TDRD3: variants seen among roughly 807,000 people sequenced by gnomAD.
TDRD3 encodes the protein tudor domain-containing protein 3.
A neutral mutation model predicts 86.7 loss-of-function variants in TDRD3; 45 were observed. The observed-to-expected ratio is 0.52, with a 90% CI of 0.41 to 0.67. TDRD3 has a LOEUF of 0.67. TDRD3 is among the 30% of genes least tolerant of loss of function. The pLI, the probability that TDRD3 is intolerant of heterozygous loss-of-function variation, is 0.00. For missense variants in TDRD3, 814 were observed against 889.0 expected (o/e 0.92, Z 1.07); for synonymous variants, 298 against 301.7 (o/e 0.99, Z 0.13).
At chr13:60,519,797 G>A (rs918537228) in intron 10 of TDRD3, among the ~76,000 whole-genome samples, 3 of 152,098 alleles carry the variant, frequency 2.0e-5, no homozygotes, top group Non-Finnish European at 4.4e-5. Flanking sequence ...TGTTATAACT[G>A]TACTCTGAGG....
chr13:60,476,371 A>G (rs1320080474), intron 5 of TDRD3, among the ~76,000 whole-genome samples: 1 of 151,816 alleles, frequency 6.6e-6, no homozygotes, highest in East Asian at 1.9e-4. Context: ...CTTTATTTCT[A>G]GGTTCTTTAT....
chr13:60,567,776 T>C (rs768497413), intron 13 of TDRD3, 126 bp downstream of exon 13: 101 of 1,229,000 alleles, frequency 8.2e-5, no homozygotes, highest in Middle Eastern at 4.3e-4. Flanking sequence ...CAGGCTGGAG[T>C]GCAGTGGCGT....
intron 3 of TDRD3, among the ~76,000 whole-genome samples, chr13:60,456,069 CAAAAAAAAAAA>C (rs35117003): frequency 1.0e-5 from 1 of 95,568 alleles, no homozygotes; most frequent in African/African-American, 4.5e-5. Context: ...GACTATGTCT[CAAAAAAAAAAA>C]AAAAAAAAGA....
At chr13:60,449,603 A>G (rs188067976) in intron 3 of TDRD3, among the ~76,000 whole-genome samples, 1 of 152,124 alleles carries the variant, frequency 6.6e-6, no homozygotes, top group East Asian at 1.9e-4. Flanking sequence ...TATGTGCCCT[A>G]CTGTTATTTT....
chr13:60,425,591 A>G (rs887105302), intron 1 of TDRD3, among the ~76,000 whole-genome samples: 1 of 152,204 alleles, frequency 6.6e-6, no homozygotes, highest in African/African-American at 2.4e-5. Context: ...CACAGTAGCC[A>G]AGCTATGGAA....
intron 5 of TDRD3, among the ~76,000 whole-genome samples, chr13:60,467,891 C>G (rs886774072): frequency 3.7e-4 from 57 of 152,150 alleles, no homozygotes; most frequent in African/African-American, 1.3e-3. Flanking sequence ...AATTGTTCCT[C>G]TACTTTGCTT....
intron 5 of TDRD3, among the ~76,000 whole-genome samples, chr13:60,482,770 T>C (rs549233709): frequency 6.6e-6 from 1 of 152,186 alleles, no homozygotes; most frequent in African/African-American, 2.4e-5. Flanking sequence ...TAATTATCTT[T>C]ATAAAATATA....
At chr13:60,464,008 C>T (rs922590980) in intron 4 of TDRD3, among the ~76,000 whole-genome samples, 4 of 152,052 alleles carry the variant, frequency 2.6e-5, no homozygotes, top group Non-Finnish European at 4.4e-5. Context: ...TTCCTGTGGG[C>T]GCTGGTTGTT....
chr13:60,429,487 T>G (rs1396400156), intron 1 of TDRD3, among the ~76,000 whole-genome samples: 5 of 152,200 alleles, frequency 3.3e-5, no homozygotes. Context: ...TGTTTTAAAT[T>G]TTGACATAAA....
intron 3 of TDRD3, among the ~76,000 whole-genome samples, chr13:60,445,933 C>T (rs141225172): frequency 6.6e-6 from 1 of 152,198 alleles, no homozygotes; most frequent in East Asian, 1.9e-4. Flanking sequence ...TTGTCTGCTC[C>T]CTTCACTCTT....
At chr13:60,474,082 C>A (rs1043332675) in intron 5 of TDRD3, among the ~76,000 whole-genome samples, 1 of 152,152 alleles carries the variant, frequency 6.6e-6, no homozygotes, top group Non-Finnish European at 1.5e-5. Context: ...TCATGTTCCA[C>A]CCTGTACACC....
At chr13:60,533,972 C>T (rs1309707104) in intron 11 of TDRD3, among the ~76,000 whole-genome samples, 1 of 152,176 alleles carries the variant, frequency 6.6e-6, no homozygotes, top group Non-Finnish European at 1.5e-5. Flanking sequence ...AAGATTACTG[C>T]AATCAGATGA....
In TDRD3 at chr13:60,523,404, C is replaced by T. The variant is rs193078037; in HGVS notation, c.1142-4963C>T. 3.1e-3 allele frequency among the ~76,000 whole-genome samples: 477 copies of T among 152,184 alleles called. 8 individuals carry two copies. The highest frequency in any genetic ancestry group is 0.015 in the South Asian group (72 of 4,824). On this transcript the variant is annotated intron_variant, in intron 10 of 13. Coordinates refer to ENST00000377881, the MANE Select transcript of TDRD3 (RefSeq NM_001146070.2). ...ACATTGTAGTCAATTATCTCACAAA[C>T]ATACATTTTGAAAATTAAAATCTTG...
In TDRD3 at chr13:60,420,892, C is replaced by T. The variant is rs142330578; in HGVS notation, c.42-18796C>T. 3.0e-3 allele frequency among the ~76,000 whole-genome samples: 453 copies of T among 152,152 alleles called. 1 individual carries two copies. Among genetic ancestry groups the T allele is most frequent in the African/African-American group, 0.01 (422 of 41,528 alleles). On this transcript the variant is annotated intron_variant, in intron 1 of 13. Transcript: ENST00000377881. ...CCAGGAGGCGGAGCTTGCAGTGAGCCGAGATCACGTCACTGTGCTCCAACC... is the reference window on the plus strand; with the variant it reads ...CCAGGAGGCGGAGCTTGCAGTGAGCTGAGATCACGTCACTGTGCTCCAACC...
At chr13:60,565,253 C>T (rs1958428480) in intron 12 of TDRD3, among the ~76,000 whole-genome samples, 1 of 151,308 alleles carries the variant, frequency 6.6e-6, no homozygotes, top group Non-Finnish European at 1.5e-5. Flanking sequence ...GACGAGGTTT[C>T]ACCTTGTTAG....
At chr13:60,445,040 A>G (rs369777224) in intron 3 of TDRD3, among the ~76,000 whole-genome samples, 1 of 152,108 alleles carries the variant, frequency 6.6e-6, no homozygotes, top group Non-Finnish European at 1.5e-5. Flanking sequence ...ACTCATTACA[A>G]TGACCTTTTC....
At chr13:60,524,846 C>T (rs1277938050) in intron 10 of TDRD3, among the ~76,000 whole-genome samples, 2 of 151,584 alleles carry the variant, frequency 1.3e-5, no homozygotes, top group Non-Finnish European at 2.9e-5. Context: ...CACCTGTAAT[C>T]CGAGCACTTT....
At chr13:60,478,021 GA>G (rs1429140406) in intron 5 of TDRD3, among the ~76,000 whole-genome samples, 1 of 147,620 alleles carries the variant, frequency 6.8e-6, no homozygotes, top group South Asian at 2.2e-4. Context: ...TTGGTTAAGA[GA>G]TTTTTTTTTA....
intron 8 of TDRD3, among the ~76,000 whole-genome samples, chr13:60,505,087 A>G (rs1255388280): frequency 6.6e-6 from 1 of 152,154 alleles, no homozygotes. Flanking sequence ...CCAGTGAGAC[A>G]GAACTGTTCA....
Sources: gnomAD v4.1 joint callset for allele counts (sites outside exome capture counted in the v4.1 genomes callset) on GRCh38, gnomAD v4.1.1 for gene constraint, MANE v1.5 for transcripts, NCBI Gene and HGNC (gene_info 2026-07-23, HGNC 2026-07-21) for gene names.